NUP35: variants seen among roughly 807,000 people sequenced by gnomAD.
NUP35 encodes the protein nucleoporin NUP35.
A neutral mutation model predicts 41.5 loss-of-function variants in NUP35; 25 were observed. The ratio of observed to expected loss-of-function variants is 0.60; its 90% CI spans 0.44 to 0.84. The LOEUF (loss-of-function observed/expected upper bound fraction) is 0.84. Ranked by LOEUF, NUP35 falls within the 40% of genes least tolerant of loss-of-function variation. NUP35 has a pLI of 0.00. For missense variants in NUP35, 396 were observed against 396.6 expected (o/e 1.00, Z 0.01); for synonymous variants, 149 against 130.7 (o/e 1.14, Z -0.96).
chr2:183,137,403 GA>G (rs1173816728), intron 4 of NUP35, among the ~76,000 whole-genome samples: 1 of 152,144 alleles, frequency 6.6e-6, no homozygotes, highest in African/African-American at 2.4e-5. Flanking sequence ...AACATAGTGA[GA>G]TGCCTGTCTG....
At chr2:183,145,933 CA>C (rs1229265998) in intron 4 of NUP35, among the ~76,000 whole-genome samples, 1 of 152,132 alleles carries the variant, frequency 6.6e-6, no homozygotes, top group African/African-American at 2.4e-5. Context: ...AAAATATAAT[CA>C]CTTAAGAATT....
chr2:183,132,280 C>T (rs1035314744), intron 3 of NUP35, among the ~76,000 whole-genome samples: 2 of 151,886 alleles, frequency 1.3e-5, no homozygotes, highest in African/African-American at 4.8e-5. Flanking sequence ...CCTTGGCCTT[C>T]AAAAGTGCTG....
intron 3 of NUP35, among the ~76,000 whole-genome samples, chr2:183,133,356 C>A (rs1277166831): frequency 7.3e-6 from 1 of 137,756 alleles, no homozygotes. Flanking sequence ...TATGACTTTT[C>A]TTATTTTAAA....
At chr2:183,142,774 C>T (rs1443660853) in intron 4 of NUP35, among the ~76,000 whole-genome samples, 1 of 151,928 alleles carries the variant, frequency 6.6e-6, no homozygotes, top group Non-Finnish European at 1.5e-5. Context: ...GCCACCATGC[C>T]CCACCATCTC....
At chr2:183,152,110 A>AC (rs1685486990) in intron 5 of NUP35, among the ~76,000 whole-genome samples, 2 of 113,396 alleles carry the variant, frequency 1.8e-5, no homozygotes, top group Non-Finnish European at 1.9e-5. Context: ...AACATTTACA[A>AC]ACACACACAC....
chr2:183,119,094 T>C (rs933940529), intron 1 of NUP35, among the ~76,000 whole-genome samples: 1 of 152,196 alleles, frequency 6.6e-6, no homozygotes, highest in Admixed American at 6.5e-5. Flanking sequence ...CCCAACTCCT[T>C]GGATCTTATC....
At chr2:183,122,082 CTTT>C (rs1337480383), upstream of NUP35, among the ~76,000 whole-genome samples, 1 of 143,480 alleles carries the variant, frequency 7.0e-6, no homozygotes. Flanking sequence ...TTTTTCTTTT[CTTT>C]TTTTTTTTTG....
At chr2:183,132,504 G>A (rs576917113) in intron 3 of NUP35, among the ~76,000 whole-genome samples, 1 of 152,230 alleles carries the variant, frequency 6.6e-6, no homozygotes, top group East Asian at 1.9e-4. Flanking sequence ...GCTACAGTGG[G>A]CTGTGATCGT....
intron 1 of NUP35, 131 bp from the exon 2 acceptor site, chr2:183,128,156 T>G: frequency 2.0e-6 from 1 of 507,904 alleles, no homozygotes; most frequent in Non-Finnish European, 3.3e-6. Context: ...TAAATTCAAC[T>G]ATGGTTCTAT....
intron 4 of NUP35, among the ~76,000 whole-genome samples, chr2:183,138,265 A>AT (rs1167656474): frequency 2.0e-4 from 14 of 69,192 alleles, no homozygotes; most frequent in African/African-American, 4.6e-4. Context: ...ATATATATAT[A>AT]TATATTTTTT....
chr2:183,132,031 T>G (rs1396442872), intron 3 of NUP35, among the ~76,000 whole-genome samples: 1 of 151,922 alleles, frequency 6.6e-6, no homozygotes, highest in Non-Finnish European at 1.5e-5. Context: ...TATTTATTAT[T>G]ATTATTTTTT....
rs192556307 is a variant in NUP35, at chr2:183,161,156, A to G, written c.*25A>G. 9.9e-5 allele frequency: 155 copies of G among 1,568,732 alleles called. No homozygotes were observed. The African/African-American group carries it at 1.9e-3, about 19-fold the overall frequency. On this transcript the variant is annotated 3_prime_UTR_variant, in exon 9 of 9. Transcript: ENST00000295119. ...GTAGAACACCAAGAAGGAGGTTGCT[A>G]CACTAAAACAGAGTTAGCAGAGTGC...
At chr2:183,135,827 C>T (rs936091173) in intron 4 of NUP35, among the ~76,000 whole-genome samples, 2 of 151,756 alleles carry the variant, frequency 1.3e-5, no homozygotes, top group African/African-American at 4.8e-5. Context: ...TTTGTCACTG[C>T]ACTCCAGCTT....
chr2:183,156,006 G>A (rs1210071518), intron 5 of NUP35, among the ~76,000 whole-genome samples: 1 of 152,114 alleles, frequency 6.6e-6, no homozygotes, highest in Non-Finnish European at 1.5e-5. Flanking sequence ...TCTAAAGGAT[G>A]CATTATATAT....
At chr2:183,146,507 G>A (rs1336622621) in intron 4 of NUP35, among the ~76,000 whole-genome samples, 2 of 151,946 alleles carry the variant, frequency 1.3e-5, no homozygotes, top group East Asian at 3.8e-4. Context: ...TCTCCAAACC[G>A]CTTTCTGTTG....
intron 4 of NUP35, among the ~76,000 whole-genome samples, chr2:183,148,055 T>A (rs1172186582): frequency 6.6e-6 from 1 of 152,218 alleles, no homozygotes; most frequent in East Asian, 1.9e-4. Flanking sequence ...AGTGAGCATA[T>A]GTGATGTTTG....
At chr2:183,118,578 A>G (rs1700022214) in intron 1 of NUP35, 1 of 152,222 alleles carries the variant, frequency 6.6e-6, no homozygotes, top group Non-Finnish European at 1.5e-5. Flanking sequence ...ATGTTTAATC[A>G]TTTTGTTGTC....
At chr2:183,130,999 C>A in intron 3 of NUP35, 1 of 1,024,238 alleles carries the variant, frequency 9.8e-7, no homozygotes, top group Non-Finnish European at 1.3e-6. Flanking sequence ...TTTTAGGGTC[C>A]CCAACAGGGT....
chr2:183,120,653 A>T (rs138907917), upstream of NUP35, among the ~76,000 whole-genome samples: 16 of 152,298 alleles, frequency 1.1e-4, no homozygotes, highest in African/African-American at 3.9e-4. Context: ...CATTTTTCAA[A>T]GTAGGTATTG....
Sources: allele counts gnomAD v4.1 joint callset (sites outside exome capture counted in the v4.1 genomes callset), GRCh38; gene constraint gnomAD v4.1.1; transcripts MANE v1.5; gene names NCBI Gene and HGNC (gene_info 2026-07-23, HGNC 2026-07-21).